Variants in MKX observed in about 807,000 individuals in gnomAD.
MKX encodes the protein homeobox protein Mohawk.
MKX carries 13 observed loss-of-function variants against 36.0 expected under a neutral mutation model. The ratio of observed to expected loss-of-function variants is 0.36; its 90% CI spans 0.24 to 0.57. MKX has a LOEUF of 0.57. MKX is among the 20% of genes least tolerant of loss of function. The probability of loss-of-function intolerance (pLI) is 0.79; values close to 1 mark genes in which losing one functional copy is unlikely to be tolerated. For synonymous variants in MKX, 176 were observed against 178.3 expected (o/e 0.99, Z 0.10); for missense variants, 458 against 456.4 (o/e 1.00, Z -0.03).
At chr10:27,692,792 T>C (rs1836478558) in intron 5 of MKX, among the ~76,000 whole-genome samples, 1 of 152,232 alleles carries the variant, frequency 6.6e-6, no homozygotes, top group African/African-American at 2.4e-5. Flanking sequence ...TATTATACAC[T>C]GACATAGTGA....
chr10:27,712,881 G>A (rs1836897293), intron 5 of MKX, among the ~76,000 whole-genome samples: 3 of 152,096 alleles, frequency 2.0e-5, no homozygotes, highest in Admixed American at 2.0e-4. Context: ...AGGTGGCAGT[G>A]AGCCATGATC....
chr10:27,687,356 A>T (rs1176829351), intron 5 of MKX, among the ~76,000 whole-genome samples: 2 of 152,210 alleles, frequency 1.3e-5, no homozygotes, highest in East Asian at 3.9e-4. Flanking sequence ...TAAAATGGGG[A>T]TATTTTCATA....
intron 5 of MKX, among the ~76,000 whole-genome samples, chr10:27,682,879 T>C (rs895220030): frequency 7.2e-5 from 11 of 151,764 alleles, no homozygotes; most frequent in Admixed American, 5.2e-4. Flanking sequence ...CTTGGGAGGC[T>C]GAGGCAAGAG....
chr10:27,678,596 T>C (rs1836196947), intron 5 of MKX, among the ~76,000 whole-genome samples: 1 of 152,182 alleles, frequency 6.6e-6, no homozygotes, highest in Non-Finnish European at 1.5e-5. Context: ...GAAGAAAGCC[T>C]GTGGCTATCA....
At chr10:27,708,870 T>TA (rs1334749521) in intron 5 of MKX, among the ~76,000 whole-genome samples, 5 of 151,728 alleles carry the variant, frequency 3.3e-5, no homozygotes, top group Non-Finnish European at 7.4e-5. Context: ...AAATAAACAA[T>TA]AAAAAGCAGC....
chr10:27,741,832 A>G lies in MKX; in HGVS notation c.189-328T>C, dbSNP rs1834906484. Among the ~76,000 whole-genome samples, 5 of 152,152 alleles carry G rather than the reference A, an allele frequency of 3.3e-5. No individual in the cohort carries two copies. Among genetic ancestry groups the G allele is most frequent in the Admixed American group, 2.6e-4 (4 of 15,288 alleles). ...TATCTGGGCAGCGGGGCTAACTGCT[A>G]CCCTTCCCTCACCCGCTGGCGCCGC... On this transcript the variant is annotated intron_variant, in intron 2 of 6. Transcript: ENST00000419761. This position sits in a 1 kb window ranked among gnomAD's most constrained non-coding sequence, Gnocchi z 5.1.
intron 5 of MKX, among the ~76,000 whole-genome samples, chr10:27,725,025 A>C (rs1834459219): frequency 6.6e-6 from 1 of 152,212 alleles, no homozygotes; most frequent in African/African-American, 2.4e-5. Flanking sequence ...TAATGATTTA[A>C]GTATTTTTTA....
At position 27,734,796 on chromosome 10, in the gene MKX, A is replaced by C. The variant is rs779241706; in HGVS notation, c.503-5T>G. 6.2e-7 allele frequency: 1 copy of C among 1,602,858 alleles called. No homozygotes were observed. Among genetic ancestry groups the C allele is most frequent in the South Asian group, 1.1e-5 (1 of 89,044 alleles). On this transcript the variant is annotated splice_region_variant and splice_polypyrimidine_tract_variant and intron_variant, in intron 4 of 6. Coordinates refer to ENST00000419761, the MANE Select transcript of MKX (RefSeq NM_173576.3). ...TTCTTGGAGGATTTTCTCCATCTAA[A>C]GTGGAACAGTATCACTAAGTAGGGT...
intron 5 of MKX, among the ~76,000 whole-genome samples, chr10:27,683,439 T>G (rs1313905159): frequency 1.3e-5 from 2 of 152,234 alleles, no homozygotes; most frequent in Non-Finnish European, 2.9e-5. Context: ...GATTCGCACA[T>G]GATGAAACTG....
intron 5 of MKX, among the ~76,000 whole-genome samples, chr10:27,726,064 A>G (rs1284926150): frequency 6.6e-6 from 1 of 152,320 alleles, no homozygotes; most frequent in East Asian, 1.9e-4. Context: ...GATGTGACTG[A>G]CCACTGAAGC....
chr10:27,740,264 T>G (rs1342896248), intron 3 of MKX, among the ~76,000 whole-genome samples: 4 of 152,234 alleles, frequency 2.6e-5, no homozygotes, highest in Non-Finnish European at 5.9e-5. Context: ...GAGTTCCTGC[T>G]TACTGTAAAT....
intron 5 of MKX, among the ~76,000 whole-genome samples, chr10:27,699,227 A>G (rs1161407719): frequency 6.6e-6 from 1 of 152,224 alleles, no homozygotes; most frequent in Non-Finnish European, 1.5e-5. Context: ...ATCTTTTACC[A>G]AAGTTCTCAC....
At chr10:27,698,754 T>C (rs1235505177) in intron 5 of MKX, among the ~76,000 whole-genome samples, 1 of 152,166 alleles carries the variant, frequency 6.6e-6, no homozygotes, top group Non-Finnish European at 1.5e-5. Context: ...AAAACCGCGA[T>C]GCGAAATTAC....
At chr10:27,724,095 TA>T (rs1429174152) in intron 5 of MKX, among the ~76,000 whole-genome samples, 1 of 152,176 alleles carries the variant, frequency 6.6e-6, no homozygotes, top group Non-Finnish European at 1.5e-5. Context: ...AATCACATTG[TA>T]AAAAATGTTC....
intron 5 of MKX, among the ~76,000 whole-genome samples, chr10:27,716,326 G>A (rs962020310): frequency 6.6e-6 from 1 of 151,736 alleles, no homozygotes; most frequent in African/African-American, 2.4e-5. Flanking sequence ...GGGAGGCTGA[G>A]GTGGGAGGAT....
intron 5 of MKX, among the ~76,000 whole-genome samples, chr10:27,681,577 C>T (rs1836255517): frequency 6.6e-6 from 1 of 152,092 alleles, no homozygotes; most frequent in Non-Finnish European, 1.5e-5. Flanking sequence ...TATGTGTTTA[C>T]TATATTTTTT....
intron 5 of MKX, among the ~76,000 whole-genome samples, chr10:27,683,410 G>T (rs1836290217): frequency 6.6e-6 from 1 of 152,248 alleles, no homozygotes; most frequent in Admixed American, 6.5e-5. Flanking sequence ...GTCTAGGTTT[G>T]TGTTAGTACA....
chr10:27,723,409 TAGG>T (rs1414061192), intron 5 of MKX, among the ~76,000 whole-genome samples: 2 of 152,158 alleles, frequency 1.3e-5, no homozygotes, highest in Non-Finnish European at 2.9e-5. Flanking sequence ...AAGAGAATTC[TAGG>T]AGAAGAAAAT....
At chr10:27,727,004 AATAT>A (rs1160639493) in intron 5 of MKX, among the ~76,000 whole-genome samples, 1 of 152,052 alleles carries the variant, frequency 6.6e-6, no homozygotes, top group East Asian at 1.9e-4. Context: ...AGGAACTTTT[AATAT>A]ATATATACAA....
Sources: allele counts gnomAD v4.1 joint callset (sites outside exome capture counted in the v4.1 genomes callset), GRCh38; gene constraint gnomAD v4.1.1; non-coding constraint Gnocchi (gnomAD v3.1); transcripts MANE v1.5; gene names NCBI Gene and HGNC (gene_info 2026-07-23, HGNC 2026-07-21).